Variants in INCENP observed in about 807,000 individuals in gnomAD.
INCENP encodes inner centromere protein.
Under a neutral mutation model 107.3 loss-of-function variants are expected in INCENP, and 43 were observed. The ratio of observed to expected loss-of-function variants is 0.40; its 90% CI spans 0.31 to 0.52. The LOEUF (loss-of-function observed/expected upper bound fraction) is 0.52. Ranked by LOEUF, INCENP falls within the 20% of genes least tolerant of loss-of-function variation. INCENP has a pLI of 0.53. For missense variants in INCENP, 1,089 were observed against 1,250.9 expected (o/e 0.87, Z 1.95); for synonymous variants, 488 against 494.4 (o/e 0.99, Z 0.17).
chr11:62,146,263 G>T (rs1384682607), intron 14 of INCENP, among the ~76,000 whole-genome samples: 1 of 152,152 alleles, frequency 6.6e-6, no homozygotes, highest in Non-Finnish European at 1.5e-5. Flanking sequence ...AGTCACCAAG[G>T]TCAGTTATTT....
chr11:62,134,238 C>A (rs950907961), intron 4 of INCENP, among the ~76,000 whole-genome samples: 2 of 152,040 alleles, frequency 1.3e-5, no homozygotes, highest in African/African-American at 4.8e-5. Flanking sequence ...CATGGCCAGA[C>A]CCTATCTCTA....
rs754926466 is a variant in INCENP at position 62,140,913 on chromosome 11, G to A, written c.1462G>A (p.Val488Met). The A allele has an allele frequency of 1.2e-6, 2 of 1,614,046 alleles. No individual in the cohort carries two copies. The highest frequency in any genetic ancestry group is 1.1e-5 in the South Asian group (1 of 91,094). ...TTCTGACCCTGGTCCTCGTCTGCAG[G>A]TGGTACGGCCCCTCCGGACCTTTCT... ...TPSSPCPASK[V>M]VRPLRTFLHT... The change falls in exon 10 of 19, where the codon GTG (valine) becomes ATG (methionine). Residue 488 changes from valine to methionine, a missense_variant and splice_region_variant. Physicochemically the swap from Val to Met is conservative, Grantham distance 21. Coordinates refer to ENST00000394818, the MANE Select transcript of INCENP (RefSeq NM_001040694.2).
At chr11:62,132,185 A>G (rs1943906908) in intron 4 of INCENP, among the ~76,000 whole-genome samples, 1 of 152,246 alleles carries the variant, frequency 6.6e-6, no homozygotes, top group Non-Finnish European at 1.5e-5. Context: ...TCCTTACAGC[A>G]GCATTGTTAG....
In INCENP at chr11:62,146,531, G is replaced by A. The variant is rs11230930; in HGVS notation, c.1960-127G>A. The A allele has an allele frequency of 8.5e-3, 11,761 of 1,389,108 alleles. 802 individuals are homozygous for A. In the African/African-American group the frequency reaches 0.15, roughly 17 times the overall value. 86.0% of individuals were successfully genotyped at this position (1,389,108 alleles called of 1,614,324 possible). A position where few individuals can be genotyped will look rare whatever the true frequency, so the allele number is the denominator to read the frequency against. On this transcript the variant is annotated intron_variant, in intron 14 of 18. Transcript: ENST00000394818. The stretch of plus-strand genomic sequence containing the variant: ...AGCCTTGCTCGGGATGTCCCACGGC[G>A]CCATTCCTGGGTTGTCCGTGGTGGT...
intron 18 of INCENP, among the ~76,000 whole-genome samples, chr11:62,150,710 G>T (rs559727786): frequency 6.6e-6 from 1 of 152,324 alleles, no homozygotes; most frequent in South Asian, 2.1e-4. Flanking sequence ...GAGTTTACAG[G>T]CCCCAGCATT....
intron 11 of INCENP, chr11:62,141,861 G>T: frequency 2.4e-6 from 1 of 416,206 alleles, no homozygotes; most frequent in Non-Finnish European, 4.4e-6. Context: ...GAAGAGAACA[G>T]ACAGGTTGTC....
In INCENP at chr11:62,145,705, G is replaced by T. The variant is rs140505440; in HGVS notation, c.1913G>T (p.Arg638Leu). ...AAKKMEEVEA[R>L]RKQEEEARRL... ...AAGAAGATGGAGGAGGTGGAAGCAC[G>T]CAGGAAGCAGGAAGAGGAGGCACGT... The change falls in exon 14 of 19, where the codon CGC becomes CTC. Residue 638 changes from arginine to leucine, a missense_variant. Physicochemically the swap from Arg to Leu is moderately radical, Grantham distance 102. Transcript: ENST00000394818. 12 of 1,559,048 alleles carry T rather than the reference G, an allele frequency of 7.7e-6. No homozygotes were observed. The highest frequency in any genetic ancestry group is 1.4e-5 in the African/African-American group (1 of 73,422).
chr11:62,143,929 G>A (rs551908690), intron 11 of INCENP, among the ~76,000 whole-genome samples: 1 of 152,376 alleles, frequency 6.6e-6, no homozygotes, highest in African/African-American at 2.4e-5. Context: ...CCTGCTGGCT[G>A]CCCATTGCTG....
At chr11:62,129,361 A>G (rs1943829465) in intron 3 of INCENP, among the ~76,000 whole-genome samples, 1 of 152,190 alleles carries the variant, frequency 6.6e-6, no homozygotes, top group African/African-American at 2.4e-5. Flanking sequence ...TTAGCAGAGC[A>G]GTACGGCTTT....
At chr11:62,129,129 G>A (rs765289273) in intron 3 of INCENP, among the ~76,000 whole-genome samples, 1 of 152,192 alleles carries the variant, frequency 6.6e-6, no homozygotes, top group Non-Finnish European at 1.5e-5. Flanking sequence ...TGTTTGATCT[G>A]GGCCCTGGAG....
At chr11:62,151,734 G>A (rs747236788) in intron 18 of INCENP, 28 bp from the exon 19 acceptor site, 7 of 1,595,918 alleles carry the variant, frequency 4.4e-6, no homozygotes, top group Non-Finnish European at 6.0e-6. Context: ...GAGCCCCAAG[G>A]CAGTGTCTGG....
chr11:62,139,112 A>G, intron 7 of INCENP, 107 bp downstream of exon 7: 1 of 764,772 alleles, frequency 1.3e-6, no homozygotes, highest in East Asian at 2.5e-5. Flanking sequence ...TTTCTGGGCC[A>G]GTAGGCTAAA....
At position 62,138,699 on chromosome 11, in the gene INCENP, T is replaced by C; in HGVS notation, c.1116-14T>C. ...AGCTGGGCAGTCCCCTCAGAGTCCC[T>C]CTTCTGTTTTCAGTTCTGAGCAGAA... On this transcript the variant is annotated splice_polypyrimidine_tract_variant and intron_variant, in intron 5 of 18. Coordinates refer to ENST00000394818, the MANE Select transcript of INCENP (RefSeq NM_001040694.2). The C allele has an allele frequency of 6.2e-7, 1 of 1,613,682 alleles. No individual in the cohort carries two copies. Among genetic ancestry groups the C allele is most frequent in the Non-Finnish European group, 8.5e-7 (1 of 1,179,666 alleles).
At chr11:62,134,295 C>A (rs1943946594) in intron 4 of INCENP, among the ~76,000 whole-genome samples, 1 of 151,752 alleles carries the variant, frequency 6.6e-6, no homozygotes, top group African/African-American at 2.4e-5. Flanking sequence ...TGCCTGTAGT[C>A]CCAGCTACTC....
chr11:62,149,105 G>A lies in INCENP; in HGVS notation c.2391+259G>A, dbSNP rs186483200. 3.9e-4 allele frequency among the ~76,000 whole-genome samples: 60 copies of A among 152,192 alleles called. 1 individual carries two copies. Among genetic ancestry groups the A allele is most frequent in the Non-Finnish European group, 1.0e-4 (7 of 68,012 alleles). On this transcript the variant is annotated intron_variant, in intron 17 of 18. Coordinates refer to ENST00000394818, the MANE Select transcript of INCENP (RefSeq NM_001040694.2). Reference sequence around the variant, plus strand: ...GACCCTCAGGAAAACTCTACTAAGCGCGTTGTATATCCTTCTAGATTTTTA... The same window carrying A: ...GACCCTCAGGAAAACTCTACTAAGCACGTTGTATATCCTTCTAGATTTTTA...
intron 11 of INCENP, among the ~76,000 whole-genome samples, chr11:62,142,790 T>C (rs1035672589): frequency 1.3e-5 from 2 of 152,200 alleles, no homozygotes; most frequent in Non-Finnish European, 2.9e-5. Context: ...AGCCTGGGAC[T>C]TGGCAGGTGG....
intron 11 of INCENP, chr11:62,141,750 G>A (rs1944128354): frequency 3.3e-6 from 2 of 606,760 alleles, no homozygotes; most frequent in Admixed American, 2.9e-5. Context: ...GGAAGCAAGG[G>A]GGTGTGGCTT....
intron 2 of INCENP, 89 bp downstream of exon 2, chr11:62,128,390 C>T: frequency 1.4e-6 from 2 of 1,455,928 alleles, no homozygotes; most frequent in Non-Finnish European, 1.9e-6. Context: ...TCGTCCCCGC[C>T]TACCTGGCAA....
At position 62,151,789 on chromosome 11, in the gene INCENP, A is replaced by G; in HGVS notation, c.2570A>G (p.His857Arg). ...ACCCCGCTCAGCCAGGCTATCATTC[A>G]CCAGTACTACCACCCACCGAACCTT... ...RGTPLSQAIIHQYYHPPNLLE... is the reference protein window; with the variant it reads ...RGTPLSQAIIRQYYHPPNLLE... Residue 857 changes from histidine (H) to arginine (R), a missense_variant, in exon 19 of 19, where the codon CAC becomes CGC. By Grantham distance (29) the His-to-Arg change is conservative. Coordinates refer to ENST00000394818, the MANE Select transcript of INCENP (RefSeq NM_001040694.2). The G allele has an allele frequency of 6.2e-7, 1 of 1,614,106 alleles. No homozygotes were observed. The highest frequency in any genetic ancestry group is 8.5e-7 in the Non-Finnish European group (1 of 1,180,006).
Sources: allele counts gnomAD v4.1 joint callset (sites outside exome capture counted in the v4.1 genomes callset), GRCh38; gene constraint gnomAD v4.1.1; transcripts MANE v1.5; gene names NCBI Gene and HGNC (gene_info 2026-07-23, HGNC 2026-07-21).